Variants in CHCHD3 observed in about 807,000 individuals in gnomAD.
CHCHD3 encodes coiled-coil-helix-coiled-coil-helix domain containing 3, also known as MICOS complex subunit MIC19.
In CHCHD3, 20 loss-of-function variants were observed where a neutral mutation model predicts 38.2. The observed-to-expected ratio is 0.52, with a 90% CI of 0.37 to 0.76. The LOEUF (loss-of-function observed/expected upper bound fraction) is 0.76, where lower values mean the gene tolerates loss of function less well. Ranked by LOEUF, CHCHD3 falls within the 30% of genes least tolerant of loss-of-function variation. CHCHD3 has a pLI of 0.00. For synonymous variants in CHCHD3, 82 were observed against 100.0 expected (o/e 0.82, Z 1.07); for missense variants, 245 against 279.2 (o/e 0.88, Z 0.87).
chr7:132,954,838 G>A (rs867482773), intron 4 of CHCHD3, among the ~76,000 whole-genome samples: 127 of 152,172 alleles, frequency 8.3e-4, no homozygotes, highest in African/African-American at 2.7e-3. Context: ...TTGCCCTGAC[G>A]GAGGCTCATT....
intron 3 of CHCHD3, among the ~76,000 whole-genome samples, chr7:132,984,617 G>A (rs1237269117): frequency 2.0e-5 from 3 of 150,384 alleles, no homozygotes; most frequent in African/African-American, 7.3e-5. Context: ...TAGGAAGTGA[G>A]GAGCGTCTCT....
chr7:133,064,564 G>GA (rs1299644200), intron 2 of CHCHD3, among the ~76,000 whole-genome samples: 2 of 152,192 alleles, frequency 1.3e-5, no homozygotes, highest in Non-Finnish European at 2.9e-5. Context: ...GATTCTGGGA[G>GA]AAAAATACAC....
chr7:132,785,490 G>T lies in CHCHD3; in HGVS notation c.*147C>A, dbSNP rs560386998. On this transcript the variant is annotated 3_prime_UTR_variant, in exon 8 of 8. Transcript: ENST00000262570. ...ACTGCTGCTGTTCAAAACGTGAAAT[G>T]ATTCTGCTGAATCCATTCTTGATGT... The T allele has an allele frequency of 2.6e-6, 2 of 775,362 alleles. No individual in the cohort carries two copies. The highest frequency in any genetic ancestry group is 3.4e-5 in the South Asian group (2 of 59,386). 48.0% of individuals were successfully genotyped at this position (775,362 alleles called of 1,614,324 possible). A position where few individuals can be genotyped will look rare whatever the true frequency, so the allele number is the denominator to read the frequency against.
chr7:133,008,822 T>C (rs1034864800), intron 3 of CHCHD3, among the ~76,000 whole-genome samples: 5 of 152,124 alleles, frequency 3.3e-5, no homozygotes, highest in African/African-American at 1.2e-4. Context: ...AGGATTCTTT[T>C]CTAATATTGT....
intron 4 of CHCHD3, among the ~76,000 whole-genome samples, chr7:132,895,408 T>G (rs1022459805): frequency 6.6e-6 from 1 of 152,220 alleles, no homozygotes; most frequent in Admixed American, 6.5e-5. Flanking sequence ...CTACTCTGAG[T>G]TGTGACAAGC....
At chr7:133,070,844 T>C (rs1814800941) in intron 1 of CHCHD3, among the ~76,000 whole-genome samples, 1 of 152,094 alleles carries the variant, frequency 6.6e-6, no homozygotes. Context: ...GTAATGCAAG[T>C]ATACAGAAAA....
chr7:132,827,688 T>C (rs1004124662), intron 6 of CHCHD3, among the ~76,000 whole-genome samples: 1 of 152,214 alleles, frequency 6.6e-6, no homozygotes, highest in Non-Finnish European at 1.5e-5. Flanking sequence ...AAATGCTGCT[T>C]GGGTCCCTTT....
chr7:133,082,029 C>T lies in CHCHD3; in HGVS notation c.-92G>A, dbSNP rs1461979799. 2 of 1,202,168 alleles carry T rather than the reference C, an allele frequency of 1.7e-6. No homozygotes were observed. Among genetic ancestry groups the T allele is most frequent in the Non-Finnish European group, 2.3e-6 (2 of 878,464 alleles). 74.5% of individuals were successfully genotyped at this position (1,202,168 alleles called of 1,614,324 possible). On this transcript the variant is annotated 5_prime_UTR_variant, in exon 1 of 8. Coordinates refer to ENST00000262570, the MANE Select transcript of CHCHD3 (RefSeq NM_017812.4). Reference sequence around the variant, plus strand: ...ACACGCGCGTGGAAGGGCCTGGATTCTTTTCCCGCACAGCGGGAGCAAGGC... The same window carrying T: ...ACACGCGCGTGGAAGGGCCTGGATTTTTTTCCCGCACAGCGGGAGCAAGGC...
At chr7:132,786,262 G>A (rs1473931838) in intron 7 of CHCHD3, among the ~76,000 whole-genome samples, 1 of 152,156 alleles carries the variant, frequency 6.6e-6, no homozygotes, top group Non-Finnish European at 1.5e-5. Flanking sequence ...GAAAGCTATG[G>A]CCAAGGCAGT....
At chr7:132,942,293 G>A (rs762000904) in intron 4 of CHCHD3, among the ~76,000 whole-genome samples, 35 of 152,190 alleles carry the variant, frequency 2.3e-4, no homozygotes, top group Admixed American at 1.7e-3. Context: ...ACAAGAACAC[G>A]GGTTGATGTA....
At chr7:133,019,709 G>A (rs922574559) in intron 3 of CHCHD3, among the ~76,000 whole-genome samples, 1 of 151,628 alleles carries the variant, frequency 6.6e-6, no homozygotes. Context: ...TTTCTTCTTG[G>A]TTTCTTGAAA....
chr7:132,836,715 T>A (rs1244425484), intron 6 of CHCHD3, among the ~76,000 whole-genome samples: 1 of 152,086 alleles, frequency 6.6e-6, no homozygotes, highest in Non-Finnish European at 1.5e-5. Flanking sequence ...CCTCAAGCGA[T>A]CCTCCTGCCT....
At chr7:132,928,007 C>T (rs1415139925) in intron 4 of CHCHD3, among the ~76,000 whole-genome samples, 2 of 152,086 alleles carry the variant, frequency 1.3e-5, no homozygotes, top group Non-Finnish European at 2.9e-5. Context: ...CTTCTCTCAT[C>T]GAGGCACAGA....
chr7:132,836,270 C>T (rs1476113079), intron 6 of CHCHD3, among the ~76,000 whole-genome samples: 1 of 152,126 alleles, frequency 6.6e-6, no homozygotes. Flanking sequence ...CAGGCATGCA[C>T]CACCATGCCC....
At chr7:132,987,246 C>G (rs565015802) in intron 3 of CHCHD3, among the ~76,000 whole-genome samples, 1 of 152,036 alleles carries the variant, frequency 6.6e-6, no homozygotes, top group Admixed American at 6.6e-5. Flanking sequence ...GAAGAGAACC[C>G]GGACAGAGAG....
At chr7:132,956,510 C>T (rs938799623) in intron 4 of CHCHD3, among the ~76,000 whole-genome samples, 5 of 152,172 alleles carry the variant, frequency 3.3e-5, no homozygotes, top group Non-Finnish European at 5.9e-5. Flanking sequence ...TTGGTTATGA[C>T]AGGCAAGTCA....
chr7:132,885,919 A>G (rs535287020), intron 4 of CHCHD3, among the ~76,000 whole-genome samples, 174 bp from the exon 5 acceptor site: 2 of 152,286 alleles, frequency 1.3e-5, no homozygotes, highest in South Asian at 4.1e-4. Context: ...AAATGTAAAG[A>G]AGAAGTCCGC....
intron 3 of CHCHD3, among the ~76,000 whole-genome samples, chr7:133,014,715 T>C (rs1309188648): frequency 6.6e-6 from 1 of 151,004 alleles, no homozygotes; most frequent in Non-Finnish European, 1.5e-5. Context: ...GAAACGTAAA[T>C]ATTTTTCCCC....
intron 4 of CHCHD3, among the ~76,000 whole-genome samples, chr7:132,939,831 A>C (rs900021073): frequency 1.3e-5 from 2 of 152,206 alleles, no homozygotes; most frequent in African/African-American, 4.8e-5. Flanking sequence ...ATTTACACTA[A>C]CTGCCATCAC....
Sources: allele counts gnomAD v4.1 joint callset (sites outside exome capture counted in the v4.1 genomes callset), GRCh38; gene constraint gnomAD v4.1.1; transcripts MANE v1.5; gene names NCBI Gene and HGNC (gene_info 2026-07-23, HGNC 2026-07-21).